The following GATB variants were observed in gnomAD, a reference collection of about 807,000 sequenced individuals.
The protein encoded by GATB is glutamyl-tRNA(Gln) amidotransferase subunit B, mitochondrial.
Under a neutral mutation model 62.3 loss-of-function variants are expected in GATB, and 39 were observed. The observed-to-expected ratio is 0.63, with a 90% CI of 0.48 to 0.82. The LOEUF (loss-of-function observed/expected upper bound fraction) is 0.82. GATB is among the 40% of genes least tolerant of loss of function. GATB has a pLI of 0.00. For missense variants in GATB, 670 were observed against 684.0 expected (o/e 0.98, Z 0.23); for synonymous variants, 276 against 258.9 (o/e 1.07, Z -0.63).
intron 9 of GATB, among the ~76,000 whole-genome samples, chr4:151,698,423 A>T (rs556151939): frequency 2.5e-4 from 38 of 152,238 alleles, no homozygotes; most frequent in African/African-American, 7.0e-4. Flanking sequence ...TTAATTTAAT[A>T]AGCAATCCAA....
intron 2 of GATB, among the ~76,000 whole-genome samples, chr4:151,729,750 T>C (rs1739206636): frequency 6.6e-6 from 1 of 152,148 alleles, no homozygotes; most frequent in Non-Finnish European, 1.5e-5. Flanking sequence ...TTCTTCTATC[T>C]AGGTGAGATG....
chr4:151,743,392 G>A (rs747124319), intron 2 of GATB, among the ~76,000 whole-genome samples: 13 of 152,206 alleles, frequency 8.5e-5, no homozygotes, highest in Non-Finnish European at 1.9e-4. Flanking sequence ...AACACATGGT[G>A]CATACAACCA....
intron 9 of GATB, among the ~76,000 whole-genome samples, chr4:151,697,387 A>T (rs1482456317): frequency 6.6e-6 from 1 of 152,074 alleles, no homozygotes; most frequent in Non-Finnish European, 1.5e-5. Flanking sequence ...CAGAAAATCA[A>T]ATACCACATG....
Position 151,688,404 on chromosome 4 carries a change from C to A in GATB, c.1331+226G>T, listed in dbSNP as rs80257651. On this transcript the variant is annotated intron_variant, in intron 10 of 12. Transcript: ENST00000263985. Reference sequence around the variant, plus strand: ...TCATCTTTGTGCCCCCAGCCTCTGACACAGTGCAGAGGACACAGTGCACAG... The same window carrying A: ...TCATCTTTGTGCCCCCAGCCTCTGAAACAGTGCAGAGGACACAGTGCACAG... 0.014 allele frequency among the ~76,000 whole-genome samples: 2,151 copies of A among 152,302 alleles called. 52 individuals carry two copies. Among genetic ancestry groups the A allele is most frequent in the African/African-American group, 0.049 (2,032 of 41,544 alleles).
intron 11 of GATB, chr4:151,674,400 T>A (rs1238429557): frequency 6.6e-6 from 1 of 152,230 alleles, no homozygotes; most frequent in Non-Finnish European, 1.5e-5. Flanking sequence ...GCCCCCTTTC[T>A]CTGACACGTT....
chr4:151,728,319 T>A (rs564383627), intron 2 of GATB, among the ~76,000 whole-genome samples: 1 of 152,216 alleles, frequency 6.6e-6, no homozygotes, highest in Non-Finnish European at 1.5e-5. Context: ...TCTAAGCTAG[T>A]AGCTACTTTT....
chr4:151,751,025 A>G (rs1489499884), intron 2 of GATB, among the ~76,000 whole-genome samples: 1 of 152,174 alleles, frequency 6.6e-6, no homozygotes, highest in Non-Finnish European at 1.5e-5. Context: ...CCATAAAGTC[A>G]GTTAGAAAAA....
At chr4:151,746,048 CA>C (rs1001871570) in intron 2 of GATB, among the ~76,000 whole-genome samples, 1 of 152,340 alleles carries the variant, frequency 6.6e-6, no homozygotes, top group Admixed American at 6.5e-5. Flanking sequence ...AATTGTAGTG[CA>C]GCCTGATTAT....
Position 151,739,579 on chromosome 4 carries a change from T to G in GATB, c.327+19193A>C, listed in dbSNP as rs1185022366. Among the ~76,000 whole-genome samples, 3 of 152,280 alleles carry G rather than the reference T, an allele frequency of 2.0e-5. No individual in the cohort carries two copies. The East Asian group carries it at 5.8e-4, about 29-fold the overall frequency. ...CAAGCCAATGGCCTCAGATGACAAG[T>G]GCATCTACTTGCAGTATAAACAAAG... On this transcript the variant is annotated intron_variant, in intron 2 of 12. Transcript: ENST00000263985.
chr4:151,704,361 G>C (rs1404688002), intron 7 of GATB, among the ~76,000 whole-genome samples: 3 of 152,196 alleles, frequency 2.0e-5, no homozygotes, highest in Admixed American at 1.3e-4. Flanking sequence ...AGAAGGAAAG[G>C]GCCTAAAACG....
chr4:151,714,993 T>G (rs1738886389), intron 5 of GATB, among the ~76,000 whole-genome samples: 1 of 152,244 alleles, frequency 6.6e-6, no homozygotes, highest in Non-Finnish European at 1.5e-5. Flanking sequence ...GTACCAGGGC[T>G]CTGATGTTAT....
At chr4:151,693,671 C>T (rs907103007) in intron 9 of GATB, among the ~76,000 whole-genome samples, 1 of 152,154 alleles carries the variant, frequency 6.6e-6, no homozygotes, top group East Asian at 1.9e-4. Context: ...TTGGTGCCCA[C>T]AATTTTTATT....
At chr4:151,722,159 A>C in intron 2 of GATB, 1 of 700,580 alleles carries the variant, frequency 1.4e-6, no homozygotes, top group East Asian at 2.7e-5. Flanking sequence ...AGTCCAGGTC[A>C]GCATGTTCTG....
At chr4:151,731,023 AATATG>A (rs1739233207) in intron 2 of GATB, among the ~76,000 whole-genome samples, 1 of 152,368 alleles carries the variant, frequency 6.6e-6, no homozygotes, top group Non-Finnish European at 1.5e-5. Flanking sequence ...GGAAATCCAA[AATATG>A]ATACAAGAAG....
intron 2 of GATB, among the ~76,000 whole-genome samples, chr4:151,726,099 A>C (rs1049070612): frequency 6.6e-6 from 1 of 152,246 alleles, no homozygotes; most frequent in Admixed American, 6.5e-5. Context: ...TACATGACAA[A>C]TCTGATAATT....
intron 10 of GATB, among the ~76,000 whole-genome samples, chr4:151,683,975 C>T (rs562738771): frequency 1.3e-5 from 2 of 152,306 alleles, no homozygotes; most frequent in East Asian, 1.9e-4. Flanking sequence ...CCTAGTGATC[C>T]TTCCAAACAT....
chr4:151,742,490 T>A (rs921521950), intron 2 of GATB, among the ~76,000 whole-genome samples: 1 of 152,162 alleles, frequency 6.6e-6, no homozygotes, highest in Non-Finnish European at 1.5e-5. Context: ...CTTTGTTTCA[T>A]CCCCTCCCTT....
At chr4:151,733,352 T>C (rs1418687948) in intron 2 of GATB, among the ~76,000 whole-genome samples, 1 of 152,080 alleles carries the variant, frequency 6.6e-6, no homozygotes, top group Non-Finnish European at 1.5e-5. Context: ...TTTAGGCACA[T>C]AAACTAGAAA....
intron 4 of GATB, 121 bp from the exon 5 acceptor site, chr4:151,716,252 C>CTCAA: frequency 1.1e-6 from 1 of 891,366 alleles, no homozygotes; most frequent in Non-Finnish European, 1.6e-6. Context: ...GTTCTAGCCT[C>CTCAA]TCAATCATTT....
Sources: allele counts gnomAD v4.1 joint callset (sites outside exome capture counted in the v4.1 genomes callset), GRCh38; gene constraint gnomAD v4.1.1; transcripts MANE v1.5; gene names NCBI Gene and HGNC (gene_info 2026-07-23, HGNC 2026-07-21).